Variants in LACTB2 observed in about 807,000 individuals in gnomAD.
LACTB2 encodes lactamase beta 2.
LACTB2 carries 32 observed loss-of-function variants against 34.8 expected under a neutral mutation model. That is an observed-to-expected ratio of 0.92 (90% confidence interval 0.69 to 1.24). LACTB2 has a LOEUF of 1.24. LACTB2 is among the 50% of genes most tolerant of loss of function. LACTB2 has a pLI of 0.00. For missense variants in LACTB2, 320 were observed against 345.0 expected, an observed-to-expected ratio of 0.93 and a Z score of 0.57; for synonymous variants, 120 against 117.5, an observed-to-expected ratio of 1.02 and a Z score of -0.14.
At chr8:70,660,688 T>C (rs528772951) in intron 2 of LACTB2, 1 of 456,442 alleles carries the variant, frequency 2.2e-6, no homozygotes, top group Non-Finnish European at 4.4e-6. Flanking sequence ...CTCTGTCCAC[T>C]CTGGATATAA....
intron 3 of LACTB2, among the ~76,000 whole-genome samples, chr8:70,657,539 A>C (rs1276393487): frequency 6.7e-6 from 1 of 150,054 alleles, no homozygotes; most frequent in East Asian, 2.0e-4. Context: ...TCAAGCAATC[A>C]TCTCATCTCA....
chr8:70,651,931 G>A (rs1818348853), intron 3 of LACTB2: 1 of 152,182 alleles, frequency 6.6e-6, no homozygotes, highest in Non-Finnish European at 1.5e-5. Flanking sequence ...TTCTGTGATA[G>A]AGTGGACTTT....
At chr8:70,645,081 T>C (rs907640228) in intron 3 of LACTB2, among the ~76,000 whole-genome samples, 8 of 151,968 alleles carry the variant, frequency 5.3e-5, no homozygotes, top group African/African-American at 1.4e-4. Flanking sequence ...CACACACATA[T>C]ACACATATAT....
At chr8:70,658,874 A>AC (rs1818446650) in intron 2 of LACTB2, among the ~76,000 whole-genome samples, 1 of 152,132 alleles carries the variant, frequency 6.6e-6, no homozygotes, top group African/African-American at 2.4e-5. Flanking sequence ...AACATACAAA[A>AC]AAATTAGCCA....
chr8:70,666,254 C>T (rs557257315), intron 1 of LACTB2, among the ~76,000 whole-genome samples: 34 of 152,286 alleles, frequency 2.2e-4, no homozygotes, highest in African/African-American at 8.2e-4. Context: ...TGGAAAGACA[C>T]TAAGCTTCTT....
intron 1 of LACTB2, among the ~76,000 whole-genome samples, chr8:70,667,304 T>C (rs937418542): frequency 2.6e-5 from 4 of 152,242 alleles, no homozygotes; most frequent in Non-Finnish European, 5.9e-5. Context: ...CTTGTGATCT[T>C]AGAACTGTTT....
intron 1 of LACTB2, 54 bp downstream of exon 1, chr8:70,668,945 C>T (rs375406622): frequency 3.2e-6 from 5 of 1,548,916 alleles, no homozygotes. Flanking sequence ...TCAGTCAAAG[C>T]CCGGGCTCCG....
chr8:70,645,271 A>G (rs1470936577), intron 3 of LACTB2, among the ~76,000 whole-genome samples: 1 of 152,142 alleles, frequency 6.6e-6, no homozygotes, highest in African/African-American at 2.4e-5. Context: ...ATGTGCCACC[A>G]CGCTTGGCTA....
At chr8:70,642,367 G>A (rs543167611) in intron 4 of LACTB2, among the ~76,000 whole-genome samples, 1 of 152,300 alleles carries the variant, frequency 6.6e-6, no homozygotes, top group South Asian at 2.1e-4. Flanking sequence ...ATCGCAGAGT[G>A]TAAATGTGTT....
chr8:70,664,120 C>G (rs889349913), intron 1 of LACTB2, among the ~76,000 whole-genome samples: 1 of 152,124 alleles, frequency 6.6e-6, no homozygotes, highest in African/African-American at 2.4e-5. Context: ...CTGCCCCTAA[C>G]GTAGAGTCAC....
At chr8:70,653,313 A>G (rs1414405639) in intron 3 of LACTB2, among the ~76,000 whole-genome samples, 1 of 152,120 alleles carries the variant, frequency 6.6e-6, no homozygotes, top group Non-Finnish European at 1.5e-5. Flanking sequence ...GGGTTTCACC[A>G]TGTTACCCAG....
chr8:70,653,384 C>T (rs1032244145), intron 3 of LACTB2, among the ~76,000 whole-genome samples: 6 of 152,000 alleles, frequency 3.9e-5, no homozygotes, highest in Admixed American at 1.3e-4. Flanking sequence ...TGTGAGCCAC[C>T]GCACCTGGCT....
intron 4 of LACTB2, among the ~76,000 whole-genome samples, chr8:70,642,575 C>A (rs1465028569): frequency 6.7e-6 from 1 of 149,922 alleles, no homozygotes; most frequent in Non-Finnish European, 1.5e-5. Flanking sequence ...CCTCTGCCTC[C>A]CAGGTTCAAG....
At position 70,661,806 on chromosome 8, in the gene LACTB2, C is replaced by A. The variant is rs767328617; in HGVS notation, c.214G>T (p.Glu72Ter). The change falls in exon 2 of 7, where the codon GAA (glutamate) becomes TAA (stop). Residue 72 changes from glutamate (E) to a stop codon, truncating the protein, a stop_gained. Transcript: ENST00000276590. LOFTEE classifies it high-confidence loss of function. ...ALTEFNTAIQ[E>*]IVVTHWHRDH... The stretch of plus-strand genomic sequence containing the variant: ...CGGTGCCAGTGAGTCACTACAATTT[C>A]CTGGATTGCTGTGTTAAATTCAGTT... 4 of 1,613,546 alleles carry A rather than the reference C, an allele frequency of 2.5e-6. No individual in the cohort carries two copies. Among genetic ancestry groups the A allele is most frequent in the Non-Finnish European group, 3.4e-6 (4 of 1,179,818 alleles).
At chr8:70,643,873 A>T (rs1162231613) in intron 4 of LACTB2, among the ~76,000 whole-genome samples, 192 bp downstream of exon 4, 1 of 152,014 alleles carries the variant, frequency 6.6e-6, no homozygotes, top group Non-Finnish European at 1.5e-5. Context: ...AACCTTCCTC[A>T]TCATTTGACA....
Position 70,669,167 on chromosome 8 carries a change from G to T in LACTB2, c.-47C>A, listed in dbSNP as rs199728447. 3.7e-6 allele frequency: 6 copies of T among 1,600,360 alleles called. No individual in the cohort carries two copies. The African/African-American group carries it at 8.1e-5, about 22-fold the overall frequency. ...GCGTGTCGCCTATCTGGATACTCCA[G>T]CGCGGAAGAAGCCAACAGGCCGGGG... On this transcript the variant is annotated 5_prime_UTR_variant, in exon 1 of 7. In the 5' UTR this introduces an upstream ATG that the reference lacks. Coordinates refer to ENST00000276590, the MANE Select transcript of LACTB2 (RefSeq NM_016027.3).
intron 3 of LACTB2, among the ~76,000 whole-genome samples, chr8:70,645,030 CATT>C (rs1387818910): frequency 2.0e-5 from 3 of 151,574 alleles, no homozygotes; most frequent in Non-Finnish European, 4.4e-5. Context: ...TTTCCTACAT[CATT>C]ATATGTTTAC....
At chr8:70,660,731 T>A (rs1303107635) in intron 2 of LACTB2, 1 of 456,348 alleles carries the variant, frequency 2.2e-6, no homozygotes. Flanking sequence ...TACGCTCTCT[T>A]CCCTTTCTCT....
In LACTB2 at chr8:70,650,735, C is replaced by CAAAAAAAAAAA. The variant is rs61025700; in HGVS notation, c.414-6503_414-6493dup. Among the ~76,000 whole-genome samples the CAAAAAAAAAAA allele has an allele frequency of 9.3e-4, 43 of 46,192 alleles. 1 individual carries two copies. Among genetic ancestry groups the CAAAAAAAAAAA allele is most frequent in the African/African-American group, 2.6e-3 (29 of 11,304 alleles). The allele number at this position is 46,192 out of a possible 152,430, so 30.3% of individuals were successfully genotyped here. On this transcript the variant is annotated intron_variant, in intron 3 of 6. Transcript: ENST00000276590. ...TGGGCGACAGAGTGAGACTCCATCT[C>CAAAAAAAAAAA]AAAAAAAAAAAAAAAAAAAAAAAGA...
Sources: allele counts gnomAD v4.1 joint callset (sites outside exome capture counted in the v4.1 genomes callset), GRCh38; gene constraint gnomAD v4.1.1; transcripts MANE v1.5; gene names NCBI Gene and HGNC (gene_info 2026-07-23, HGNC 2026-07-21).